The following MDFIC variants were observed in gnomAD, a reference collection of about 807,000 sequenced individuals.
MDFIC encodes myoD family inhibitor domain-containing protein.
In MDFIC, 17 loss-of-function variants were observed where a neutral mutation model predicts 23.2. The ratio of observed to expected loss-of-function variants is 0.73; its 90% CI spans 0.50 to 1.10. The LOEUF (loss-of-function observed/expected upper bound fraction) is 1.10, where lower values mean the gene tolerates loss of function less well. MDFIC is among the 50% of genes least tolerant of loss of function. MDFIC has a pLI of 0.00. For missense variants in MDFIC, 356 were observed against 316.6 expected, an observed-to-expected ratio of 1.12 and a Z score of -0.95; for synonymous variants, 120 against 115.2, an observed-to-expected ratio of 1.04 and a Z score of -0.27.
At chr7:114,933,835 C>T (rs1792376445) in intron 2 of MDFIC, 1 of 152,064 alleles carries the variant, frequency 6.6e-6, no homozygotes, top group South Asian at 2.1e-4. Flanking sequence ...GATTTTTTTA[C>T]TTTGATTTTG....
At position 114,922,383 on chromosome 7, in the gene MDFIC, G is replaced by A. The variant is rs1367215175; in HGVS notation, c.-361G>A. 4.0e-6 allele frequency: 5 copies of A among 1,234,704 alleles called. No homozygotes were observed. Among genetic ancestry groups the A allele is most frequent in the Admixed American group, 4.2e-5 (1 of 23,704 alleles). 76.5% of individuals were successfully genotyped at this position (1,234,704 alleles called of 1,614,324 possible). ...GGGAAGGCCCCCTCGCAGGGGAGCC[G>A]GCTGGAGTGAGCTGGCTGGAAAGAG... is the stretch of plus-strand genomic sequence containing the variant. On this transcript the variant is annotated 5_prime_UTR_variant, in exon 1 of 5. Transcript: ENST00000393486.
chr7:114,946,881 C>A (rs1792656447), intron 3 of MDFIC, among the ~76,000 whole-genome samples: 1 of 152,142 alleles, frequency 6.6e-6, no homozygotes, highest in Admixed American at 6.6e-5. Flanking sequence ...TAGCCTTTGC[C>A]AACTTAATGC....
At chr7:114,925,613 G>C (rs1373469832) in intron 2 of MDFIC, among the ~76,000 whole-genome samples, 2 of 152,214 alleles carry the variant, frequency 1.3e-5, no homozygotes, top group East Asian at 3.8e-4. Context: ...GAGGGAACCA[G>C]GATAGATGTC....
intron 4 of MDFIC, among the ~76,000 whole-genome samples, chr7:114,985,294 G>C (rs1793491610): frequency 6.6e-6 from 1 of 152,112 alleles, no homozygotes; most frequent in Non-Finnish European, 1.5e-5. Context: ...TTCGATATGT[G>C]TTAGCTGCTG....
intron 3 of MDFIC, among the ~76,000 whole-genome samples, chr7:114,950,047 T>C (rs1203185230): frequency 6.6e-6 from 1 of 152,120 alleles, no homozygotes; most frequent in African/African-American, 2.4e-5. Flanking sequence ...TGTTAAAGAC[T>C]AAGGGAAGAT....
At chr7:114,936,308 A>G (rs933759601) in intron 2 of MDFIC, among the ~76,000 whole-genome samples, 34 of 152,292 alleles carry the variant, frequency 2.2e-4, no homozygotes, top group African/African-American at 7.9e-4. Flanking sequence ...TGCCCCCAAT[A>G]TTTTTGGAAA....
chr7:114,938,084 G>A (rs1472818244), intron 2 of MDFIC, among the ~76,000 whole-genome samples: 2 of 152,100 alleles, frequency 1.3e-5, no homozygotes, highest in Non-Finnish European at 2.9e-5. Flanking sequence ...AGCCTCCCAA[G>A]TGGCTGAGAT....
chr7:114,955,174 C>A (rs1344116939), intron 3 of MDFIC, among the ~76,000 whole-genome samples: 1 of 152,130 alleles, frequency 6.6e-6, no homozygotes, highest in African/African-American at 2.4e-5. Context: ...TAAGTTGTAC[C>A]CCAAGCAATC....
intron 2 of MDFIC, chr7:114,923,618 T>A: frequency 6.8e-7 from 1 of 1,460,024 alleles, no homozygotes; most frequent in Non-Finnish European, 9.0e-7. Context: ...TTTCAATAAC[T>A]GGTTTGTTTT....
chr7:114,963,860 G>A (rs1361471386), intron 3 of MDFIC, among the ~76,000 whole-genome samples: 1 of 152,184 alleles, frequency 6.6e-6, no homozygotes. Flanking sequence ...GATTACAGGT[G>A]TGAGCCACTG....
At chr7:114,959,194 A>G (rs1792940714) in intron 3 of MDFIC, among the ~76,000 whole-genome samples, 1 of 152,210 alleles carries the variant, frequency 6.6e-6, no homozygotes, top group African/African-American at 2.4e-5. Context: ...CAGAGTCAGA[A>G]TCTACAGCTC....
chr7:115,005,502 T>TA (rs1652714068), intron 4 of MDFIC, among the ~76,000 whole-genome samples: 1 of 152,160 alleles, frequency 6.6e-6, no homozygotes, highest in South Asian at 2.1e-4. Context: ...GCTGTGACAG[T>TA]AATAACTCAG....
At position 115,018,343 on chromosome 7, in the gene MDFIC, C is replaced by T. The variant is rs527590587; in HGVS notation, c.*2408C>T. On this transcript the variant is annotated 3_prime_UTR_variant, in exon 5 of 5. Coordinates refer to ENST00000393486, the MANE Select transcript of MDFIC (RefSeq NM_001166345.3). ...AAAGTTTTTCAACCAAGTGGTTTGT[C>T]TAATATTTAAACATGTACTGGCACA... The T allele has an allele frequency of 2.6e-5, 4 of 151,998 alleles. No homozygotes were observed. The East Asian group carries it at 7.7e-4, about 29-fold the overall frequency. The allele number at this position is 151,998 out of a possible 1,614,324, so 9.4% of individuals were successfully genotyped here.
intron 3 of MDFIC, among the ~76,000 whole-genome samples, chr7:114,978,001 T>C (rs1414547100): frequency 6.7e-6 from 1 of 148,206 alleles, no homozygotes; most frequent in African/African-American, 2.5e-5. Flanking sequence ...CATTAATATT[T>C]ATATTAATAT....
intron 3 of MDFIC, among the ~76,000 whole-genome samples, chr7:114,956,726 G>T (rs924515984): frequency 6.6e-6 from 1 of 152,146 alleles, no homozygotes; most frequent in Non-Finnish European, 1.5e-5. Context: ...ATCATTAGGG[G>T]TAGGGCTTGG....
chr7:114,961,814 TC>T (rs1370574462), intron 3 of MDFIC, among the ~76,000 whole-genome samples: 1 of 151,964 alleles, frequency 6.6e-6, no homozygotes, highest in Non-Finnish European at 1.5e-5. Context: ...TCCTATCACC[TC>T]CCATTAGACC....
chr7:114,942,506 G>A (rs564614841), intron 3 of MDFIC, 109 bp downstream of exon 3: 71 of 857,718 alleles, frequency 8.3e-5, no homozygotes, highest in Admixed American at 2.8e-4. Flanking sequence ...AATCAACAGC[G>A]TTTATCTAAA....
rs567528577 is a variant in MDFIC at position 114,994,709 on chromosome 7, G to A, written c.493+14928G>A. Among the ~76,000 whole-genome samples the A allele has an allele frequency of 5.3e-3, 801 of 152,208 alleles. 3 individuals are homozygous for A. Among genetic ancestry groups the A allele is most frequent in the African/African-American group, 0.017 (706 of 41,528 alleles). On this transcript the variant is annotated intron_variant, in intron 4 of 4. Coordinates refer to ENST00000393486, the MANE Select transcript of MDFIC (RefSeq NM_001166345.3). ...CTCTTCTGGCTTGTAAAGTTTCTGC[G>A]GAGAGATCAGCTGTTAGTCTGATGG...
At chr7:114,963,418 C>T (rs140471519) in intron 3 of MDFIC, among the ~76,000 whole-genome samples, 1 of 152,270 alleles carries the variant, frequency 6.6e-6, no homozygotes, top group Non-Finnish European at 1.5e-5. Flanking sequence ...TTAGTCTGGT[C>T]TGAGACTCTG....
Sources: gnomAD v4.1 joint callset for allele counts (sites outside exome capture counted in the v4.1 genomes callset) on GRCh38, gnomAD v4.1.1 for gene constraint, MANE v1.5 for transcripts, NCBI Gene and HGNC (gene_info 2026-07-23, HGNC 2026-07-21) for gene names.